The following MTREX variants were observed in gnomAD, a reference collection of about 807,000 sequenced individuals.
MTREX encodes exosome RNA helicase MTR4.
In MTREX, 76 loss-of-function variants were observed where a neutral mutation model predicts 135.4. The ratio of observed to expected loss-of-function variants is 0.56; its 90% confidence interval spans 0.47 to 0.68. The LOEUF is 0.68. Among genes scored for constraint, MTREX ranks in the 30% least tolerant of loss-of-function variants. MTREX has a pLI of 0.00. For missense variants in MTREX, 920 were observed against 1,262.1 expected, an observed-to-expected ratio of 0.73 and a Z score of 4.11; for synonymous variants, 404 against 401.6, an observed-to-expected ratio of 1.01 and a Z score of -0.07.
chr5:55,374,045 GCCAGGAGTTCAAGA>G, intron 16 of MTREX, among the ~76,000 whole-genome samples: 1 of 152,078 alleles, frequency 6.6e-6, no homozygotes. Flanking sequence ...ATCACTTGAG[GCCAGGAGTTCAAGA>G]CCAGCCTGGC....
chr5:55,372,978 C>T (rs940721294), intron 16 of MTREX, among the ~76,000 whole-genome samples: 2 of 146,524 alleles, frequency 1.4e-5, no homozygotes, highest in African/African-American at 5.1e-5. Context: ...TTTTTATACC[C>T]TTTGTTATAT....
At chr5:55,313,912 C>T (rs923673968) in intron 1 of MTREX, among the ~76,000 whole-genome samples, 6 of 151,952 alleles carry the variant, frequency 3.9e-5, no homozygotes, top group Non-Finnish European at 7.4e-5. Context: ...CAAAAGGTAG[C>T]ATTAAAAACT....
At chr5:55,397,261 G>T (rs757544206) in intron 19 of MTREX, among the ~76,000 whole-genome samples, 155 bp from the exon 20 acceptor site, 5 of 152,172 alleles carry the variant, frequency 3.3e-5, no homozygotes, top group East Asian at 1.9e-4. Flanking sequence ...AAAAGCTTCA[G>T]TGTGGGAGAA....
chr5:55,342,190 G>A (rs1257023698), intron 7 of MTREX, among the ~76,000 whole-genome samples: 4 of 152,166 alleles, frequency 2.6e-5, no homozygotes, highest in Non-Finnish European at 5.9e-5. Context: ...GATTACAGGC[G>A]TGAACCGCAC....
rs190608170 is a variant in MTREX at position 55,357,788 on chromosome 5, T to C, written c.1534-785T>C. Among the ~76,000 whole-genome samples, 202 of 152,310 alleles carry C rather than the reference T, an allele frequency of 1.3e-3. 2 individuals carry two copies. In the Middle Eastern group the frequency reaches 0.024, roughly 18 times the overall value. On this transcript the variant is annotated intron_variant, in intron 14 of 26. Transcript: ENST00000230640. ...ACACATGCACTTACAGAAAAAACTT[T>C]GTCCAGTGTTGAAGTGGTTCAGTGG...
intron 1 of MTREX, among the ~76,000 whole-genome samples, chr5:55,310,304 T>C (rs573938287): frequency 3.3e-5 from 5 of 152,362 alleles, no homozygotes; most frequent in Admixed American, 3.3e-4. Context: ...CAAGGTCTTC[T>C]AGATATTTTT....
intron 13 of MTREX, 140 bp downstream of exon 13, chr5:55,351,169 A>G (rs1749821248): frequency 9.7e-7 from 1 of 1,032,460 alleles, no homozygotes; most frequent in Admixed American, 4.0e-5. Context: ...CTTAATTTTT[A>G]TATATGATGT....
intron 16 of MTREX, among the ~76,000 whole-genome samples, chr5:55,368,939 T>G (rs1311325013): frequency 6.6e-6 from 1 of 152,192 alleles, no homozygotes; most frequent in Non-Finnish European, 1.5e-5. Context: ...AATGTATAAT[T>G]TCAAATCATA....
At chr5:55,352,570 T>C (rs994894536) in intron 13 of MTREX, among the ~76,000 whole-genome samples, 3 of 152,230 alleles carry the variant, frequency 2.0e-5, no homozygotes, top group African/African-American at 7.2e-5. Context: ...ACCCCTATTA[T>C]ATAATTTCAT....
chr5:55,388,030 CAA>C lies in MTREX; in HGVS notation c.2111_2112del (p.Lys704ArgfsTer15). On this transcript the variant is annotated frameshift_variant, in exon 19 of 27. Transcript: ENST00000230640. LOFTEE classifies it high-confidence loss of function. ...YVVEVLLRCS[K>X]ESLKNSATEA... ...TAGTAGAAGTACTTCTGCGCTGTAGCAAAGAGAGCTTGAAAAATTCAGCTACA... is the reference window on the plus strand; with the variant it reads ...TAGTAGAAGTACTTCTGCGCTGTAGCAGAGAGCTTGAAAAATTCAGCTACA... The C allele has an allele frequency of 6.2e-7, 1 of 1,609,028 alleles. No individual in the cohort carries two copies. Among genetic ancestry groups the C allele is most frequent in the South Asian group, 1.1e-5 (1 of 90,508 alleles).
intron 5 of MTREX, among the ~76,000 whole-genome samples, chr5:55,331,695 C>T (rs1255576960): frequency 6.6e-6 from 1 of 152,214 alleles, no homozygotes; most frequent in African/African-American, 2.4e-5. Context: ...CCTGCAAACT[C>T]CAGCTGCCCT....
At chr5:55,323,769 T>G (rs1749326042) in intron 2 of MTREX, among the ~76,000 whole-genome samples, 2 of 152,198 alleles carry the variant, frequency 1.3e-5, no homozygotes, top group Admixed American at 1.3e-4. Context: ...CTAGTTTACT[T>G]TATACTTTCT....
At chr5:55,330,421 G>T (rs1749457155) in intron 5 of MTREX, among the ~76,000 whole-genome samples, 2 of 151,856 alleles carry the variant, frequency 1.3e-5, no homozygotes, top group South Asian at 2.1e-4. Context: ...ATTTATTTTT[G>T]TTTTCCTCCG....
intron 15 of MTREX, 86 bp from the exon 16 acceptor site, chr5:55,366,639 C>T: frequency 2.1e-6 from 2 of 947,272 alleles, no homozygotes. Context: ...TTAATGTAGA[C>T]TGTTATTGAG....
At chr5:55,351,760 A>T (rs1180070992) in intron 13 of MTREX, among the ~76,000 whole-genome samples, 1 of 152,102 alleles carries the variant, frequency 6.6e-6, no homozygotes, top group Non-Finnish European at 1.5e-5. Context: ...TTTAAATGAT[A>T]TTGATATTTA....
At chr5:55,334,528 A>G (rs1749523632) in intron 5 of MTREX, among the ~76,000 whole-genome samples, 1 of 152,104 alleles carries the variant, frequency 6.6e-6, no homozygotes, top group Non-Finnish European at 1.5e-5. Flanking sequence ...CAGGTTGTTT[A>G]TATATGTAAA....
chr5:55,415,676 T>C (rs188704290), intron 24 of MTREX, among the ~76,000 whole-genome samples: 3 of 152,354 alleles, frequency 2.0e-5, no homozygotes, highest in Middle Eastern at 3.4e-3. Context: ...ATGCTGCTCT[T>C]GAATAATTTT....
intron 15 of MTREX, among the ~76,000 whole-genome samples, chr5:55,365,990 A>G (rs913490461): frequency 5.1e-5 from 7 of 136,546 alleles, no homozygotes; most frequent in African/African-American, 1.9e-4. Context: ...GACCCCATCT[A>G]AAAAAAAAAA....
At chr5:55,344,437 TTCTTAAGA>T (rs1749698257) in intron 8 of MTREX, 77 bp from the exon 9 acceptor site, 1 of 847,284 alleles carries the variant, frequency 1.2e-6, no homozygotes, top group African/African-American at 1.8e-5. Flanking sequence ...TTACTTGATT[TTCTTAAGA>T]TCTTTTAGGT....
Sources: allele counts gnomAD v4.1 joint callset (sites outside exome capture counted in the v4.1 genomes callset), GRCh38; gene constraint gnomAD v4.1.1; transcripts MANE v1.5; gene names NCBI Gene and HGNC (gene_info 2026-07-23, HGNC 2026-07-21).